CSMD1: variants seen among roughly 807,000 people sequenced by gnomAD.
CSMD1 encodes CUB and sushi domain-containing protein 1.
In CSMD1, 213 loss-of-function variants were observed where a neutral mutation model predicts 417.5. The ratio of observed to expected loss-of-function variants is 0.51; its 90% CI spans 0.46 to 0.57. CSMD1 has a LOEUF of 0.57. Ranked by LOEUF, CSMD1 falls within the 20% of genes least tolerant of loss-of-function variation. The probability of loss-of-function intolerance (pLI) is 0.00; values close to 1 mark genes in which losing one functional copy is unlikely to be tolerated. For missense variants in CSMD1, 6,923 were observed against 4,529.7 expected, an observed-to-expected ratio of 1.53 and a Z score of -15.17; for synonymous variants, 2,862 against 1,736.8, an observed-to-expected ratio of 1.65 and a Z score of -16.11.
chr8:4,278,436 C>G (rs1267276190), intron 3 of CSMD1, among the ~76,000 whole-genome samples: 2 of 152,176 alleles, frequency 1.3e-5, no homozygotes, highest in Non-Finnish European at 2.9e-5. Context: ...ACATCTGATG[C>G]TGCTATAGCT....
At chr8:4,409,267 TTCCAGTGTTC>T (rs904866264) in intron 3 of CSMD1, among the ~76,000 whole-genome samples, 14 of 152,332 alleles carry the variant, frequency 9.2e-5, no homozygotes, top group Non-Finnish European at 1.8e-4. Flanking sequence ...TCCTACTTAT[TTCCAGTGTTC>T]TCGGCTTTGT....
chr8:4,480,968 T>A (rs1484430474), intron 2 of CSMD1, among the ~76,000 whole-genome samples: 2 of 152,172 alleles, frequency 1.3e-5, no homozygotes, highest in Non-Finnish European at 2.9e-5. Flanking sequence ...CTTCCCCAGG[T>A]GATTCTTTGG....
intron 3 of CSMD1, among the ~76,000 whole-genome samples, chr8:4,398,031 C>G (rs1483475813): frequency 6.6e-6 from 1 of 152,180 alleles, no homozygotes; most frequent in Non-Finnish European, 1.5e-5. Flanking sequence ...GTATCAATTT[C>G]TAACTTGGTA....
intron 1 of CSMD1, among the ~76,000 whole-genome samples, chr8:4,760,160 C>A (rs988457200): frequency 3.9e-5 from 6 of 152,176 alleles, no homozygotes; most frequent in Non-Finnish European, 7.4e-5. Flanking sequence ...CTGCAATAGT[C>A]ATAGGCTGCA....
chr8:4,411,972 A>G (rs1284196163), intron 3 of CSMD1, among the ~76,000 whole-genome samples: 1 of 146,106 alleles, frequency 6.8e-6, no homozygotes, highest in Non-Finnish European at 1.5e-5. Flanking sequence ...TGAAAAGTAC[A>G]CAGCAACATA....
intron 1 of CSMD1, among the ~76,000 whole-genome samples, chr8:4,853,724 C>T (rs894095484): frequency 4.6e-5 from 7 of 152,188 alleles, no homozygotes; most frequent in African/African-American, 1.4e-4. Flanking sequence ...CTAACAGCAT[C>T]ATGCAATCTC....
chr8:3,421,414 T>C (rs561060236), intron 12 of CSMD1, among the ~76,000 whole-genome samples: 60 of 152,300 alleles, frequency 3.9e-4, no homozygotes, highest in African/African-American at 1.3e-3. Flanking sequence ...CTATATACAA[T>C]CCCAGGTTGT....
rs184913506 is a variant in CSMD1, at chr8:4,203,376, T to C, written c.416-171277A>G. Among the ~76,000 whole-genome samples the C allele has an allele frequency of 3.2e-4, 49 of 152,278 alleles. No homozygotes were observed. In the East Asian group the frequency reaches 9.1e-3, roughly 28 times the overall value. On this transcript the variant is annotated intron_variant, in intron 3 of 69. Transcript: ENST00000635120. ...ATCAGCCTTCCAACCTGTGGAAATA[T>C]GAGGTGAGATCTTTGTGGTTTCTAT...
chr8:3,067,244 T>A (rs1812997025), intron 49 of CSMD1, among the ~76,000 whole-genome samples: 1 of 152,172 alleles, frequency 6.6e-6, no homozygotes, highest in East Asian at 1.9e-4. Flanking sequence ...CTGTCTCTTA[T>A]CGTGACGTTT....
At chr8:4,614,364 C>G (rs1174136831) in intron 2 of CSMD1, among the ~76,000 whole-genome samples, 2 of 152,110 alleles carry the variant, frequency 1.3e-5, no homozygotes, top group Non-Finnish European at 2.9e-5. Flanking sequence ...CATGGCTTGT[C>G]TAGTGATGAT....
chr8:4,619,362 C>G (rs1801645621), intron 2 of CSMD1, among the ~76,000 whole-genome samples: 1 of 152,136 alleles, frequency 6.6e-6, no homozygotes, highest in South Asian at 2.1e-4. Context: ...TATTTAGCAT[C>G]AAGACTGATG....
At chr8:4,853,450 G>C (rs1445551775) in intron 1 of CSMD1, among the ~76,000 whole-genome samples, 1 of 152,202 alleles carries the variant, frequency 6.6e-6, no homozygotes, top group Non-Finnish European at 1.5e-5. Flanking sequence ...CTTCAACACA[G>C]TGTGATATTA....
intron 5 of CSMD1, among the ~76,000 whole-genome samples, chr8:3,903,962 G>A (rs192291429): frequency 1.3e-5 from 2 of 152,072 alleles, no homozygotes; most frequent in African/African-American, 4.8e-5. Context: ...GATTAAACCT[G>A]GAATACCTTG....
chr8:4,504,502 A>G lies in CSMD1; in HGVS notation c.303-84437T>C, dbSNP rs1802419393. Among the ~76,000 whole-genome samples the G allele has an allele frequency of 2.6e-5, 4 of 152,188 alleles. No homozygotes were observed. The South Asian group carries it at 8.3e-4, about 31-fold the overall frequency. ...GTTCTTTATTTAAGTTCTGGAATAC[A>G]TGTGCAGAACATGCAGGTTCGTTAC... On this transcript the variant is annotated intron_variant, in intron 2 of 69. Transcript: ENST00000635120.
At chr8:4,516,296 C>A (rs1296815350) in intron 2 of CSMD1, among the ~76,000 whole-genome samples, 2 of 152,126 alleles carry the variant, frequency 1.3e-5, no homozygotes, top group African/African-American at 2.4e-5. Flanking sequence ...CCCACTGACA[C>A]CGTGATCTTG....
chr8:4,086,824 T>A (rs1175386154), intron 3 of CSMD1, among the ~76,000 whole-genome samples: 1 of 152,168 alleles, frequency 6.6e-6, no homozygotes, highest in South Asian at 2.1e-4. Context: ...GATGAAAACT[T>A]TGCATGCATC....
intron 10 of CSMD1, among the ~76,000 whole-genome samples, chr8:3,566,855 T>C (rs1799734771): frequency 6.6e-6 from 1 of 152,172 alleles, no homozygotes; most frequent in Non-Finnish European, 1.5e-5. Context: ...TTAACCTTTG[T>C]GGAAGGCAGC....
chr8:3,685,340 C>G (rs896154378), intron 7 of CSMD1, among the ~76,000 whole-genome samples: 1 of 152,124 alleles, frequency 6.6e-6, no homozygotes, highest in Non-Finnish European at 1.5e-5. Context: ...TTTGAATCTT[C>G]ATTACACATC....
chr8:4,645,045 C>A (rs1263994628), intron 1 of CSMD1, among the ~76,000 whole-genome samples: 1 of 152,152 alleles, frequency 6.6e-6, no homozygotes, highest in Non-Finnish European at 1.5e-5. Context: ...CATTAGGATG[C>A]AGGTGATATT....
Sources: allele counts gnomAD v4.1 joint callset (sites outside exome capture counted in the v4.1 genomes callset), GRCh38; gene constraint gnomAD v4.1.1; transcripts MANE v1.5; gene names NCBI Gene and HGNC (gene_info 2026-07-23, HGNC 2026-07-21).